FNDC5: variants seen among roughly 807,000 people sequenced by gnomAD.
FNDC5 encodes the protein fibronectin type III domain-containing protein 5.
Under a neutral mutation model 24.6 loss-of-function variants are expected in FNDC5, and 10 were observed. The ratio of observed to expected loss-of-function variants is 0.41; its 90% CI spans 0.25 to 0.69. The LOEUF is 0.69. FNDC5 is among the 30% of genes least tolerant of loss of function. The probability of loss-of-function intolerance (pLI) is 0.34; values close to 1 mark genes in which losing one functional copy is unlikely to be tolerated. For missense variants in FNDC5, 226 were observed against 282.9 expected (o/e 0.80, Z 1.44); for synonymous variants, 90 against 110.7 (o/e 0.81, Z 1.18).
chr1:32,865,279 A>G (rs565793343), intron 4 of FNDC5, among the ~76,000 whole-genome samples: 45 of 151,580 alleles, frequency 3.0e-4, no homozygotes, highest in Non-Finnish European at 5.5e-4. Context: ...TTGTATTTTT[A>G]GTAGAGACGG....
At chr1:32,871,579 C>T (rs574727502), upstream of FNDC5, among the ~76,000 whole-genome samples, 35 of 152,334 alleles carry the variant, frequency 2.3e-4, no homozygotes, top group African/African-American at 7.9e-4. Context: ...CAGGGCAACC[C>T]TGTAAAGTCA....
Position 32,864,659 on chromosome 1 carries a change from C to A in FNDC5, c.633+5G>T, listed in dbSNP as rs768908833. The A allele has an allele frequency of 6.2e-7, 1 of 1,613,966 alleles. No individual in the cohort carries two copies. The highest frequency in any genetic ancestry group is 1.1e-5 in the South Asian group (1 of 91,078). Reference sequence around the variant, plus strand: ...GGCCCACCCAGGCCCAGGTCTTGCCCTCACCTTGCTGCGGAGAAGCCCCCC... The same window carrying A: ...GGCCCACCCAGGCCCAGGTCTTGCCATCACCTTGCTGCGGAGAAGCCCCCC... On this transcript the variant is annotated splice_donor_5th_base_variant and intron_variant, in intron 5 of 5. Transcript: ENST00000373471.
chr1:32,864,850 C>A, intron 4 of FNDC5, 53 bp from the exon 5 acceptor site: 2 of 1,604,258 alleles, frequency 1.2e-6, no homozygotes, highest in South Asian at 2.2e-5. Context: ...TCCTGCCTCC[C>A]CTGCTTCTTT....
rs1557529626 is a variant in FNDC5 at position 32,868,365 on chromosome 1, G to A, written c.234C>T (p.Arg78=). 1.2e-6 allele frequency: 2 copies of A among 1,614,008 alleles called. No homozygotes were observed. The highest frequency in any genetic ancestry group is 1.7e-6 in the Non-Finnish European group (2 of 1,180,004). The change falls in exon 3 of 6, where the codon CGC becomes CGT. Residue 78 remains arginine, a synonymous_variant. Transcript: ENST00000373471. This position sits in a 1 kb window ranked among gnomAD's most constrained non-coding sequence, Gnocchi z 4.8. ...TGGTGGTGTTCACCTCCTGGATGAA[G>A]CGCAGCATCCGCACATCCTTCTTCT...
In FNDC5 at chr1:32,864,731, T is replaced by C. The variant is rs1408064546; in HGVS notation, c.566A>G (p.Glu189Gly). ...GGTTTCTGATGCACTCTTGGTTTTTTCCTTGTTGTTATTGGGTTCATTGTC... is the reference window on the plus strand; with the variant it reads ...GGTTTCTGATGCACTCTTGGTTTTTCCCTTGTTGTTATTGGGTTCATTGTC... The change falls in exon 5 of 6, where the codon GAA becomes GGA. Residue 189 changes from glutamate to glycine, a missense_variant. By Grantham distance (98) the Glu-to-Gly change is moderately conservative. Transcript: ENST00000373471. 2.5e-6 allele frequency: 4 copies of C among 1,614,092 alleles called. No homozygotes were observed. Among genetic ancestry groups the C allele is most frequent in the Non-Finnish European group, 2.5e-6 (3 of 1,180,040 alleles).
intron 4 of FNDC5, among the ~76,000 whole-genome samples, chr1:32,865,831 A>G (rs1386863640): frequency 6.6e-6 from 1 of 152,216 alleles, no homozygotes; most frequent in Non-Finnish European, 1.5e-5. Flanking sequence ...GGTACAAGTG[A>G]GGACACTGAT....
upstream of FNDC5, among the ~76,000 whole-genome samples, chr1:32,871,935 A>G (rs1248449676): frequency 6.6e-6 from 1 of 152,216 alleles, no homozygotes; most frequent in African/African-American, 2.4e-5. Flanking sequence ...TGTCTCAGCA[A>G]GAACCCCTGA....
chr1:32,872,160 TCA>T (rs989455559), upstream of FNDC5, among the ~76,000 whole-genome samples: 14 of 152,320 alleles, frequency 9.2e-5, no homozygotes, highest in African/African-American at 3.4e-4. Context: ...TGGTGCAGAT[TCA>T]CACAGTGGGT....
At chr1:32,865,129 C>T (rs988725662) in intron 4 of FNDC5, among the ~76,000 whole-genome samples, 6 of 151,878 alleles carry the variant, frequency 4.0e-5, no homozygotes, top group Admixed American at 6.6e-5. Context: ...GATGGAGTTT[C>T]GCTCTTGTTG....
upstream of FNDC5, among the ~76,000 whole-genome samples, chr1:32,871,492 T>C (rs1368843456): frequency 2.6e-5 from 4 of 152,124 alleles, no homozygotes; most frequent in African/African-American, 7.2e-5. Context: ...TTCATCCCCA[T>C]AGTGAGGGCA....
rs563454230 is a variant in FNDC5, at chr1:32,868,479, C to T, written c.211-91G>A. On this transcript the variant is annotated intron_variant, in intron 2 of 5. Transcript: ENST00000373471. This position sits in a 1 kb window ranked among gnomAD's most constrained non-coding sequence, Gnocchi z 4.8. ...AGTGGTGACAAAGCCTTTACATACA[C>T]AATCTTCATCATTCCATCACCTCCG... The T allele has an allele frequency of 6.2e-6, 8 of 1,280,096 alleles. No homozygotes were observed. The African/African-American group carries it at 1.2e-4, about 19-fold the overall frequency. 79.3% of individuals were successfully genotyped at this position (1,280,096 alleles called of 1,614,324 possible).
At chr1:32,864,910 A>G (rs1641042029) in intron 4 of FNDC5, 113 bp from the exon 5 acceptor site, 1 of 1,450,572 alleles carries the variant, frequency 6.9e-7, no homozygotes, top group Admixed American at 2.2e-5. Flanking sequence ...CACCTGTACT[A>G]CTGCAGCACC....
At position 32,868,068 on chromosome 1, in the gene FNDC5, C is replaced by T. The variant is rs924309421; in HGVS notation, c.409+122G>A. 9.7e-6 allele frequency: 12 copies of T among 1,231,610 alleles called. No individual in the cohort carries two copies. The African/African-American group carries it at 1.0e-4, about 11-fold the overall frequency. The allele number at this position is 1,231,610 out of a possible 1,614,324, so 76.3% of individuals were successfully genotyped here. A position where few individuals can be genotyped will look rare whatever the true frequency, so the allele number is the denominator to read the frequency against. ...ACTAGCGTGAACCCTCTCTCAGGTACTGCTTTACTTGCCAGCAGGGGATAA... is the reference window on the plus strand; with the variant it reads ...ACTAGCGTGAACCCTCTCTCAGGTATTGCTTTACTTGCCAGCAGGGGATAA... On this transcript the variant is annotated intron_variant, in intron 3 of 5. Transcript: ENST00000373471. The surrounding 1 kb of genome is among the most constrained non-coding windows in gnomAD (Gnocchi z 4.8).
rs1029397448 is a variant in FNDC5, at chr1:32,862,331, G to A, written c.*1963C>T. ...TGGTTATTGCTCTAAGTGGATCAGA[G>A]GTAAGGACCTCTCCCCTAAGGAGCC... On this transcript the variant is annotated 3_prime_UTR_variant, in exon 6 of 6. Transcript: ENST00000373471. 5.9e-5 allele frequency: 9 copies of A among 152,636 alleles called. No individual in the cohort carries two copies. The highest frequency in any genetic ancestry group is 2.2e-4 in the African/African-American group (9 of 41,438). The allele number at this position is 152,636 out of a possible 1,614,324, so 9.5% of individuals were successfully genotyped here.
chr1:32,869,042 A>AG, intron 1 of FNDC5, 45 bp from the exon 2 acceptor site: 7 of 1,094,598 alleles, frequency 6.4e-6, no homozygotes, highest in Non-Finnish European at 8.1e-6. Flanking sequence ...CCCTATTGTG[A>AG]GGCCCAGACC....
intron 1 of FNDC5, among the ~76,000 whole-genome samples, chr1:32,869,492 C>G (rs985467012): frequency 3.9e-5 from 6 of 152,218 alleles, no homozygotes; most frequent in Non-Finnish European, 7.3e-5. Flanking sequence ...GAGCCCTGGA[C>G]TGGGAGTGAG....
rs1641001434 is a variant in FNDC5 at position 32,863,473 on chromosome 1, CGAG to C, written c.*818_*820del. 6.1e-6 allele frequency: 2 copies of C among 327,742 alleles called. No homozygotes were observed. The highest frequency in any genetic ancestry group is 2.6e-5 in the South Asian group (1 of 38,300). 20.3% of individuals were successfully genotyped at this position (327,742 alleles called of 1,614,324 possible). A position where few individuals can be genotyped will look rare whatever the true frequency, so the allele number is the denominator to read the frequency against. On this transcript the variant is annotated 3_prime_UTR_variant, in exon 6 of 6. Transcript: ENST00000373471. ...AAAGAGGAAGCCAGTCCAGGAGAGGCGAGGAGGCAGAAGGCTGTGTCTCATGCA... is the reference window on the plus strand; with the variant it reads ...AAAGAGGAAGCCAGTCCAGGAGAGGCGAGGCAGAAGGCTGTGTCTCATGCA...
Position 32,863,265 on chromosome 1 carries a change from T to C in FNDC5, c.*1029A>G, listed in dbSNP as rs1019013610. The C allele has an allele frequency of 1.3e-5, 2 of 159,772 alleles. No individual in the cohort carries two copies. The highest frequency in any genetic ancestry group is 4.8e-5 in the African/African-American group (2 of 41,648). The allele number at this position is 159,772 out of a possible 1,614,324, so 9.9% of individuals were successfully genotyped here. The stretch of plus-strand genomic sequence containing the variant: ...ACAAACCAGGTAACATCTTACACGC[T>C]TGCAAAAGTGTGCATCACACCACAA... On this transcript the variant is annotated 3_prime_UTR_variant, in exon 6 of 6. Coordinates refer to ENST00000373471, the MANE Select transcript of FNDC5 (RefSeq NM_153756.3).
chr1:32,865,002 A>G (rs1054024714), intron 4 of FNDC5, among the ~76,000 whole-genome samples: 1 of 151,980 alleles, frequency 6.6e-6, no homozygotes, highest in African/African-American at 2.4e-5. Flanking sequence ...TCTTCCTACA[A>G]TATGCGTCTG....
Sources: gnomAD v4.1 joint callset for allele counts (sites outside exome capture counted in the v4.1 genomes callset) on GRCh38, gnomAD v4.1.1 for gene constraint, Gnocchi (gnomAD v3.1) non-coding constraint, MANE v1.5 for transcripts, NCBI Gene and HGNC (gene_info 2026-07-23, HGNC 2026-07-21) for gene names.